PAPLN: variants seen among roughly 807,000 people sequenced by gnomAD.
PAPLN encodes the protein papilin.
Under a neutral mutation model 159.0 loss-of-function variants are expected in PAPLN, and 146 were observed. That is an observed-to-expected ratio of 0.92 (90% CI 0.80 to 1.05). The LOEUF (loss-of-function observed/expected upper bound fraction) is 1.05, where lower values mean the gene tolerates loss of function less well. Among genes scored for constraint, PAPLN ranks in the 50% least tolerant of loss-of-function variants. The pLI, the probability that PAPLN is intolerant of heterozygous loss-of-function variation, is 0.00. For missense variants in PAPLN, 1,720 were observed against 1,743.9 expected (o/e 0.99, Z 0.24); for synonymous variants, 734 against 702.9 (o/e 1.04, Z -0.70).
chr14:73,271,308 T>C (rs1450983656), intron 26 of PAPLN, among the ~76,000 whole-genome samples: 2 of 152,144 alleles, frequency 1.3e-5, no homozygotes, highest in Non-Finnish European at 2.9e-5. Context: ...GTTATACCAA[T>C]ATACCAAACG....
rs1478638603 is a variant in PAPLN, at chr14:73,246,185, G to C, written c.334+10G>C. 1.3e-6 allele frequency: 2 copies of C among 1,564,746 alleles called. No homozygotes were observed. The highest frequency in any genetic ancestry group is 1.7e-6 in the Non-Finnish European group (2 of 1,160,686). On this transcript the variant is annotated intron_variant, in intron 5 of 26. Coordinates refer to ENST00000644200, the MANE Select transcript of PAPLN (RefSeq NM_001365906.3). ...CTGCCCTACTACAGCGGTGAGCGCG[G>C]CCGGGACTCGCTCTCTCGGGGCCTC...
chr14:73,256,025 G>A (rs562643220), intron 14 of PAPLN, among the ~76,000 whole-genome samples: 13 of 152,348 alleles, frequency 8.5e-5, no homozygotes, highest in African/African-American at 3.1e-4. Context: ...GGTGGAAGGG[G>A]TGGTGGTGAG....
Position 73,249,588 on chromosome 14 carries a change from T to C in PAPLN, c.335-396T>C, listed in dbSNP as rs866052836. 2.0e-5 allele frequency among the ~76,000 whole-genome samples: 3 copies of C among 148,668 alleles called. 1 individual carries two copies. The Middle Eastern group carries it at 0.011, about 527-fold the overall frequency. On this transcript the variant is annotated intron_variant, in intron 5 of 26. Transcript: ENST00000644200. Reference sequence around the variant, plus strand: ...ACTAGGGGGGCTGAGGCAGGAGAATTGCTTAAACTAGGGAGGCGGAGGTTG... The same window carrying C: ...ACTAGGGGGGCTGAGGCAGGAGAATCGCTTAAACTAGGGAGGCGGAGGTTG...
chr14:73,239,923 G>GGGGC lies in PAPLN; in HGVS notation c.54+93_54+96dup, dbSNP rs1485107363. The stretch of plus-strand genomic sequence containing the variant: ...GCCCGCAGGCAACGTCCCCAGGAAA[G>GGGGC]GGGCGATGTCAGGGAAGCTGGGCTG... On this transcript the variant is annotated intron_variant, in intron 2 of 26. Transcript: ENST00000644200. The GGGGC allele has an allele frequency of 8.9e-6, 13 of 1,467,072 alleles. No individual in the cohort carries two copies. In the South Asian group the frequency reaches 1.2e-4, roughly 14 times the overall value. 90.9% of individuals were successfully genotyped at this position (1,467,072 alleles called of 1,614,324 possible).
intron 26 of PAPLN, among the ~76,000 whole-genome samples, chr14:73,271,742 C>T (rs1379876587): frequency 3.3e-5 from 5 of 152,210 alleles, no homozygotes; most frequent in Admixed American, 1.3e-4. Flanking sequence ...CCTCGTGATC[C>T]GCCCGCCTTG....
chr14:73,245,869 G>T lies in PAPLN; in HGVS notation c.231+173G>T. 1 of 946,122 alleles carries T rather than the reference G, an allele frequency of 1.1e-6. No homozygotes were observed. The highest frequency in any genetic ancestry group is 1.6e-6 in the Non-Finnish European group (1 of 644,292). 58.6% of individuals were successfully genotyped at this position (946,122 alleles called of 1,614,324 possible). A position where few individuals can be genotyped will look rare whatever the true frequency, so the allele number is the denominator to read the frequency against. On this transcript the variant is annotated intron_variant, in intron 4 of 26. Coordinates refer to ENST00000644200, the MANE Select transcript of PAPLN (RefSeq NM_001365906.3). This position sits in a 1 kb window ranked among gnomAD's most constrained non-coding sequence, Gnocchi z 4.2. ...GGCCCCTTCCTCACCCTGCTCCCGG[G>T]GACTGGCCTTGCCCTCCACAGCCTA...
chr14:73,266,931 C>T, intron 25 of PAPLN, 100 bp downstream of exon 25: 1 of 1,176,566 alleles, frequency 8.5e-7, no homozygotes, highest in Non-Finnish European at 1.2e-6. Context: ...ACCACTGCTT[C>T]CATTCCGGCT....
At position 73,245,010 on chromosome 14, in the gene PAPLN, G is replaced by T. The variant is rs553420806; in HGVS notation, c.170+251G>T. ...GGTCTCCAGCTCCTGATGCTGCACC[G>T]GCCTGCAGTATGGCAGGTGCAGTCA... On this transcript the variant is annotated intron_variant, in intron 3 of 26. Transcript: ENST00000644200. The surrounding 1 kb of genome is among the most constrained non-coding windows in gnomAD (Gnocchi z 4.2). 2.6e-5 allele frequency: 10 copies of T among 390,950 alleles called. No homozygotes were observed. In the East Asian group the frequency reaches 4.6e-4, roughly 18 times the overall value. The allele number at this position is 390,950 out of a possible 1,614,324, so 24.2% of individuals were successfully genotyped here. A position where few individuals can be genotyped will look rare whatever the true frequency, so the allele number is the denominator to read the frequency against.
At chr14:73,236,519 A>G (rs1883039461), upstream of PAPLN, among the ~76,000 whole-genome samples, 1 of 152,048 alleles carries the variant, frequency 6.6e-6, no homozygotes, top group African/African-American at 2.4e-5. Context: ...GTTTCTATTT[A>G]AAAAAAGAAG....
chr14:73,253,979 C>A lies in PAPLN; in HGVS notation c.1302+18C>A, dbSNP rs45475791. ...GGGGAGAGGTCAGGCCCCTGGCCCG[C>A]ATGGGGCTGGTGCTGGACCTGGGTA... On this transcript the variant is annotated intron_variant, in intron 12 of 26. Transcript: ENST00000644200. 5.4e-3 allele frequency: 8,706 copies of A among 1,599,400 alleles called. 42 individuals are homozygous for A. Among genetic ancestry groups the A allele is most frequent in the Non-Finnish European group, 6.6e-3 (7,701 of 1,174,052 alleles).
upstream of PAPLN, among the ~76,000 whole-genome samples, chr14:73,236,523 AAAG>A (rs574380102): frequency 2.5e-3 from 380 of 152,290 alleles, no homozygotes; most frequent in African/African-American, 8.5e-3. Flanking sequence ...CTATTTAAAA[AAAG>A]AAGAAGAAGG....
At position 73,245,568 on chromosome 14, in the gene PAPLN, G is replaced by C. The variant is rs1226358751; in HGVS notation, c.171-68G>C. The C allele has an allele frequency of 2.7e-6, 4 of 1,507,224 alleles. No individual in the cohort carries two copies. The East Asian group carries it at 9.9e-5, about 37-fold the overall frequency. The allele number at this position is 1,507,224 out of a possible 1,614,324, so 93.4% of individuals were successfully genotyped here. Reference sequence around the variant, plus strand: ...AGTCCCGCAGAAGTTGGGGCCTGCAGAGAGCCCCAGAACGGGGGCAGGGAC... The same window carrying C: ...AGTCCCGCAGAAGTTGGGGCCTGCACAGAGCCCCAGAACGGGGGCAGGGAC... On this transcript the variant is annotated intron_variant, in intron 3 of 26. Coordinates refer to ENST00000644200, the MANE Select transcript of PAPLN (RefSeq NM_001365906.3). This position sits in a 1 kb window ranked among gnomAD's most constrained non-coding sequence, Gnocchi z 4.2.
Position 73,260,693 on chromosome 14 carries a change from T to A in PAPLN, c.1986-16T>A. ...GGGCAGGCTGGGCAGTGAGGGGCTG[T>A]GTGATGTCTGCCTAGGTACGGGTGC... is the stretch of plus-strand genomic sequence containing the variant. On this transcript the variant is annotated splice_polypyrimidine_tract_variant and intron_variant, in intron 16 of 26. Coordinates refer to ENST00000644200, the MANE Select transcript of PAPLN (RefSeq NM_001365906.3). The A allele has an allele frequency of 6.9e-7, 1 of 1,446,626 alleles. No homozygotes were observed. Among genetic ancestry groups the A allele is most frequent in the Non-Finnish European group, 9.1e-7 (1 of 1,101,614 alleles). 89.6% of individuals were successfully genotyped at this position (1,446,626 alleles called of 1,614,324 possible). A position where few individuals can be genotyped will look rare whatever the true frequency, so the allele number is the denominator to read the frequency against.
intron 26 of PAPLN, among the ~76,000 whole-genome samples, chr14:73,270,409 G>C (rs1244267783): frequency 6.6e-6 from 1 of 152,210 alleles, no homozygotes; most frequent in Non-Finnish European, 1.5e-5. Flanking sequence ...CTCGGTGAAC[G>C]GGAGCGTTAA....
Position 73,262,775 on chromosome 14 carries a change from C to A in PAPLN, c.2671C>A (p.Leu891Met). 6.6e-7 allele frequency: 1 copy of A among 1,507,322 alleles called. No individual in the cohort carries two copies. Among genetic ancestry groups the A allele is most frequent in the East Asian group, 2.3e-5 (1 of 43,338 alleles). 93.4% of individuals were successfully genotyped at this position (1,507,322 alleles called of 1,614,324 possible). ...GGAGCTTGGGTCCAGGGCCCCTGGACTGGGTGGAGATGCCGGATCACCAGC... is the reference window on the plus strand; with the variant it reads ...GGAGCTTGGGTCCAGGGCCCCTGGAATGGGTGGAGATGCCGGATCACCAGC... ...GQELGSRAPG[L>M]GGDAGSPAPP... is the part of the protein sequence containing the mutation. Residue 891 changes from leucine (L) to methionine (M), a missense_variant, in exon 19 of 27, where the codon CTG becomes ATG. Transcript: ENST00000644200.
chr14:73,262,531 T>A lies in PAPLN; in HGVS notation c.2427T>A (p.His809Gln), dbSNP rs1484851550. 2.5e-6 allele frequency: 4 copies of A among 1,574,458 alleles called. No homozygotes were observed. The highest frequency in any genetic ancestry group is 3.5e-6 in the Non-Finnish European group (4 of 1,159,374). The change falls in exon 19 of 27, where the codon CAT becomes CAA. Residue 809 changes from histidine (H) to glutamine (Q), a missense_variant. Physicochemically the swap from His to Gln is conservative, Grantham distance 24 (BLOSUM62 0). Transcript: ENST00000644200. ...TGAGCAGCTGCCAGGGATCTCTCCATGGGCCCCGTCGTCCCCAGCCTGGGG... is the reference window on the plus strand; with the variant it reads ...TGAGCAGCTGCCAGGGATCTCTCCAAGGGCCCCGTCGTCCCCAGCCTGGGG... ...ECMSSCQGSL[H>Q]GPRRPQPGAS... is the part of the protein sequence containing the mutation.
At chr14:73,270,595 A>T (rs557217575) in intron 26 of PAPLN, among the ~76,000 whole-genome samples, 7 of 152,344 alleles carry the variant, frequency 4.6e-5, no homozygotes, top group African/African-American at 1.7e-4. Context: ...TTGTCTACAT[A>T]ATAACCAAAT....
intron 14 of PAPLN, 131 bp downstream of exon 14, chr14:73,255,149 G>A: frequency 7.7e-7 from 1 of 1,295,158 alleles, no homozygotes; most frequent in Non-Finnish European, 1.0e-6. Context: ...CTTCTCCCAT[G>A]TCTCCCCCCG....
chr14:73,263,516 G>A (rs1886815412), intron 19 of PAPLN, 129 bp from the exon 20 acceptor site: 1 of 1,223,698 alleles, frequency 8.2e-7, no homozygotes, highest in Non-Finnish European at 1.2e-6. Context: ...CTCCCATAGG[G>A]ACCCTCTAGC....
Sources: gnomAD v4.1 joint callset for allele counts (sites outside exome capture counted in the v4.1 genomes callset) on GRCh38, gnomAD v4.1.1 for gene constraint, Gnocchi (gnomAD v3.1) non-coding constraint, MANE v1.5 for transcripts, NCBI Gene and HGNC (gene_info 2026-07-23, HGNC 2026-07-21) for gene names.